CHN2: variants seen among roughly 807,000 people sequenced by gnomAD.
CHN2 encodes chimerin 2, also known as beta-chimaerin.
In CHN2, 35 loss-of-function variants were observed where a neutral mutation model predicts 56.3. That is an observed-to-expected ratio of 0.62 (90% CI 0.47 to 0.82). The LOEUF (loss-of-function observed/expected upper bound fraction) is 0.82, where lower values mean the gene tolerates loss of function less well. CHN2 is among the 40% of genes least tolerant of loss of function. The pLI is 0.00. For missense variants in CHN2, 491 were observed against 580.5 expected, an observed-to-expected ratio of 0.85 and a Z score of 1.58; for synonymous variants, 210 against 212.8, an observed-to-expected ratio of 0.99 and a Z score of 0.12.
Position 29,379,528 on chromosome 7 carries a change from G to A in CHN2, c.144+11541G>A, listed in dbSNP as rs1585208278. The stretch of plus-strand genomic sequence containing the variant: ...TAAAAGTTGGATTGATGGATGGATA[G>A]AGGAATGAAAAAATATATATGCTGT... On this transcript the variant is annotated intron_variant, in intron 3 of 12. Coordinates refer to ENST00000222792, the MANE Select transcript of CHN2 (RefSeq NM_004067.4). 2.0e-5 allele frequency among the ~76,000 whole-genome samples: 3 copies of A among 152,322 alleles called. No homozygotes were observed. In the South Asian group the frequency reaches 6.2e-4, roughly 32 times the overall value.
At chr7:29,489,031 G>A (rs964626981) in intron 7 of CHN2, among the ~76,000 whole-genome samples, 16 of 152,060 alleles carry the variant, frequency 1.1e-4, no homozygotes, top group Non-Finnish European at 1.8e-4. Flanking sequence ...AAACATATCT[G>A]GTATAAAACC....
At chr7:29,216,015 A>G (rs1396822881) in intron 1 of CHN2, among the ~76,000 whole-genome samples, 1 of 152,184 alleles carries the variant, frequency 6.6e-6, no homozygotes, top group Non-Finnish European at 1.5e-5. Context: ...CTCCAGGTGT[A>G]ATGACTGGCA....
chr7:29,169,210 A>G (rs948911230), intron 2 of CHN2, among the ~76,000 whole-genome samples: 1 of 152,224 alleles, frequency 6.6e-6, no homozygotes, highest in Non-Finnish European at 1.5e-5. Context: ...ATGTTACTCA[A>G]AATACATGGT....
chr7:29,406,732 G>A (rs532136952), intron 6 of CHN2, among the ~76,000 whole-genome samples: 3 of 152,256 alleles, frequency 2.0e-5, no homozygotes, highest in African/African-American at 7.2e-5. Context: ...CACTGTGTGG[G>A]GGACTCTGGG....
At chr7:29,457,845 T>C (rs1208906221) in intron 6 of CHN2, among the ~76,000 whole-genome samples, 1 of 152,154 alleles carries the variant, frequency 6.6e-6, no homozygotes, top group African/African-American at 2.4e-5. Context: ...GTTGATGAAT[T>C]GTGCAGCTGT....
chr7:29,342,032 G>C (rs535056953), intron 1 of CHN2, among the ~76,000 whole-genome samples: 5 of 152,298 alleles, frequency 3.3e-5, no homozygotes, highest in African/African-American at 9.6e-5. Flanking sequence ...AACGCTTTTT[G>C]TAGTTTCTTA....
intron 1 of CHN2, among the ~76,000 whole-genome samples, chr7:29,305,948 A>G (rs1794123841): frequency 6.6e-6 from 1 of 150,458 alleles, no homozygotes; most frequent in African/African-American, 2.5e-5. Context: ...CTTTATTACT[A>G]TATTAGATTT....
At chr7:29,449,338 A>G (rs147898248) in intron 6 of CHN2, among the ~76,000 whole-genome samples, 162 of 152,360 alleles carry the variant, frequency 1.1e-3, no homozygotes, top group African/African-American at 3.2e-3. Flanking sequence ...AGTTGTCCTT[A>G]AATCAATAGA....
upstream of CHN2, chr7:29,194,378 A>T (rs1783323540): frequency 6.6e-6 from 1 of 152,074 alleles, no homozygotes; most frequent in Admixed American, 6.6e-5. Flanking sequence ...AGCCCGCAGC[A>T]GCCGAACCAC....
chr7:29,420,608 CAG>C (rs1353462773), intron 6 of CHN2, among the ~76,000 whole-genome samples: 4 of 152,032 alleles, frequency 2.6e-5, no homozygotes, highest in African/African-American at 9.7e-5. Context: ...TTCACAGCAA[CAG>C]AATGTGAAAT....
chr7:29,480,069 G>C (rs769115329), intron 6 of CHN2: 2 of 1,547,708 alleles, frequency 1.3e-6, no homozygotes, highest in African/African-American at 2.7e-5. Flanking sequence ...GGGCTTCCTG[G>C]GCTCTGCAGA....
At chr7:29,163,564 T>C (rs1795495659) in intron 2 of CHN2, among the ~76,000 whole-genome samples, 1 of 152,170 alleles carries the variant, frequency 6.6e-6, no homozygotes, top group Non-Finnish European at 1.5e-5. Context: ...TACAATCTTA[T>C]TAAGGTATAA....
intron 1 of CHN2, among the ~76,000 whole-genome samples, chr7:29,205,737 C>T (rs1227208758): frequency 6.6e-6 from 1 of 152,120 alleles, no homozygotes; most frequent in African/African-American, 2.4e-5. Flanking sequence ...CCTGCAGTCC[C>T]AACATTTTAA....
At chr7:29,391,763 C>T (rs890221072) in intron 3 of CHN2, among the ~76,000 whole-genome samples, 1 of 152,230 alleles carries the variant, frequency 6.6e-6, no homozygotes, top group Non-Finnish European at 1.5e-5. Context: ...TTCCTCTCTG[C>T]ACCTGCAAGG....
chr7:29,190,245 A>G (rs530620926), upstream of CHN2, among the ~76,000 whole-genome samples: 1 of 152,354 alleles, frequency 6.6e-6, no homozygotes, highest in East Asian at 1.9e-4. Context: ...CAAAAGGACC[A>G]CTTTCAGGGT....
chr7:29,176,619 G>T (rs937304430), intron 2 of CHN2, among the ~76,000 whole-genome samples: 4 of 152,098 alleles, frequency 2.6e-5, no homozygotes, highest in African/African-American at 9.7e-5. Flanking sequence ...CTTTAAAAGG[G>T]TATTTTTTAG....
intron 6 of CHN2, among the ~76,000 whole-genome samples, chr7:29,457,367 T>C (rs766649380): frequency 1.3e-5 from 2 of 152,154 alleles, no homozygotes; most frequent in Non-Finnish European, 2.9e-5. Context: ...AGGGAGACCA[T>C]GTTCCTTGCA....
intron 6 of CHN2, among the ~76,000 whole-genome samples, chr7:29,412,882 A>G (rs1803378206): frequency 8.1e-6 from 1 of 122,884 alleles, no homozygotes; most frequent in Non-Finnish European, 1.6e-5. Context: ...CTTGGCCTAT[A>G]AGAATTTGTA....
intron 6 of CHN2, among the ~76,000 whole-genome samples, chr7:29,451,057 T>C (rs1005359829): frequency 4.6e-5 from 7 of 152,210 alleles, no homozygotes; most frequent in East Asian, 3.9e-4. Context: ...GCGTGAGCCA[T>C]CACACCCGGC....
Sources: gnomAD v4.1 joint callset for allele counts (sites outside exome capture counted in the v4.1 genomes callset) on GRCh38, gnomAD v4.1.1 for gene constraint, MANE v1.5 for transcripts, NCBI Gene and HGNC (gene_info 2026-07-23, HGNC 2026-07-21) for gene names.